The following TRIM37 variants were observed in gnomAD, a reference collection of about 807,000 sequenced individuals.
The protein encoded by TRIM37 is tripartite motif containing 37.
A neutral mutation model predicts 129.8 loss-of-function variants in TRIM37; 80 were observed. The ratio of observed to expected loss-of-function variants is 0.62; its 90% CI spans 0.51 to 0.74. TRIM37 has a LOEUF of 0.74. Among genes scored for constraint, TRIM37 ranks in the 30% least tolerant of loss-of-function variants. TRIM37 has a pLI of 0.00. For synonymous variants in TRIM37, 389 were observed against 387.1 expected, an observed-to-expected ratio of 1.00 and a Z score of -0.06; for missense variants, 1,054 against 1,176.5, an observed-to-expected ratio of 0.90 and a Z score of 1.52.
intron 12 of TRIM37, among the ~76,000 whole-genome samples, chr17:59,057,605 C>A (rs1238595569): frequency 3.3e-5 from 5 of 152,182 alleles, no homozygotes; most frequent in Non-Finnish European, 5.9e-5. Context: ...CTCACTGCAA[C>A]CTCTGCCCCC....
intron 2 of TRIM37, among the ~76,000 whole-genome samples, chr17:59,098,816 G>A (rs775075201): frequency 9.2e-5 from 14 of 151,762 alleles, no homozygotes; most frequent in Non-Finnish European, 8.8e-5. Context: ...ACAGATAATT[G>A]TTAACAACAG....
rs767836351 is a variant in TRIM37 at position 59,088,302 on chromosome 17, A to T, written c.270T>A (p.Asn90Lys). Residue 90 changes from asparagine to lysine, a missense_variant, in exon 4 of 24, where the codon AAT becomes AAA. Physicochemically the swap from Asn to Lys is moderately conservative, Grantham distance 94 (BLOSUM62 0). Around this residue, in one of 3 missense-constraint regions of TRIM37, gnomAD observed 752 missense variants for 870.8 expected, o/e 0.86. Transcript: ENST00000262294. ...AATTGAGGACATACTTGTCCTTTTCATTTTCTTCATGTTTGGTGAGACTGC... is the reference window on the plus strand; with the variant it reads ...AATTGAGGACATACTTGTCCTTTTCTTTTTCTTCATGTTTGGTGAGACTGC... ...QLCSLTKHEE[N>K]EKDKCENHHE... The T allele has an allele frequency of 6.2e-7, 1 of 1,610,110 alleles. No individual in the cohort carries two copies. The highest frequency in any genetic ancestry group is 1.1e-5 in the South Asian group (1 of 90,874).
intron 21 of TRIM37, among the ~76,000 whole-genome samples, chr17:59,014,894 A>C (rs1405914789): frequency 6.6e-6 from 1 of 150,450 alleles, no homozygotes; most frequent in Admixed American, 6.6e-5. Flanking sequence ...GTGAAACCCC[A>C]TCTCTACTAA....
At chr17:59,099,466 A>G (rs1367244319) in intron 2 of TRIM37, among the ~76,000 whole-genome samples, 1 of 151,930 alleles carries the variant, frequency 6.6e-6, no homozygotes, top group Non-Finnish European at 1.5e-5. Context: ...ATATGGTTGT[A>G]TAACATTATG....
chr17:58,983,675 G>A, intron 24 of TRIM37: 1 of 152,620 alleles, frequency 6.6e-6, no homozygotes, highest in East Asian at 1.9e-4. Context: ...TATAGTCTGT[G>A]AATTATGTGT....
At chr17:59,015,849 T>C (rs755021008) in intron 20 of TRIM37, 50 bp from the exon 21 acceptor site, 64 of 1,573,664 alleles carry the variant, frequency 4.1e-5, no homozygotes, top group Middle Eastern at 2.3e-4. Context: ...CATGGTGGTG[T>C]GCGCCTGTAA....
chr17:59,088,363 T>C lies in TRIM37; in HGVS notation c.209A>G (p.Glu70Gly), dbSNP rs1239850504. 1.9e-6 allele frequency: 3 copies of C among 1,613,966 alleles called. No individual in the cohort carries two copies. Among genetic ancestry groups the C allele is most frequent in the Non-Finnish European group, 2.5e-6 (3 of 1,179,894 alleles). ...AGTATCAAGCTGTTGTGTTACTTCT[T>C]CTGCCCAACGACAATTTACTAGTTC... ...LRELVNCRWA[E>G]EVTQQLDTLQ... is the part of the protein sequence containing the mutation. The change falls in exon 4 of 24, where the codon GAA becomes GGA. Residue 70 changes from glutamate to glycine, a missense_variant. Glu to Gly is a moderately conservative substitution (Grantham distance 98). Around this residue, in one of 3 missense-constraint regions of TRIM37, gnomAD observed 752 missense variants for 870.8 expected, o/e 0.86. Transcript: ENST00000262294.
chr17:59,101,056 A>G (rs1219889187), intron 2 of TRIM37, among the ~76,000 whole-genome samples: 1 of 151,970 alleles, frequency 6.6e-6, no homozygotes, highest in Non-Finnish European at 1.5e-5. Context: ...ACAAACAAAA[A>G]AACTGTACAC....
intron 10 of TRIM37, among the ~76,000 whole-genome samples, chr17:59,063,891 T>C (rs2041711067): frequency 6.6e-6 from 1 of 152,184 alleles, no homozygotes; most frequent in Non-Finnish European, 1.5e-5. Flanking sequence ...CCGTGGCTAA[T>C]GCCTATAATT....
chr17:59,106,494 C>G lies in TRIM37; in HGVS notation c.-33G>C. Reference sequence around the variant, plus strand: ...GGCTCTCGGCGGGGCCGCTGGCGACCCGCAGGCTCCGCAGTCTGACCTCTT... The same window carrying G: ...GGCTCTCGGCGGGGCCGCTGGCGACGCGCAGGCTCCGCAGTCTGACCTCTT... On this transcript the variant is annotated 5_prime_UTR_variant, in exon 1 of 24. Transcript: ENST00000262294. The G allele has an allele frequency of 6.2e-7, 1 of 1,612,796 alleles. No individual in the cohort carries two copies. The highest frequency in any genetic ancestry group is 8.5e-7 in the Non-Finnish European group (1 of 1,179,504).
At chr17:59,045,866 A>T (rs2039739353) in intron 16 of TRIM37, among the ~76,000 whole-genome samples, 1 of 151,498 alleles carries the variant, frequency 6.6e-6, no homozygotes, top group Admixed American at 6.6e-5. Flanking sequence ...AATACAAAAA[A>T]ATAGCCAGGC....
intron 20 of TRIM37, among the ~76,000 whole-genome samples, chr17:59,016,444 T>C (rs1260548361): frequency 6.6e-6 from 1 of 150,588 alleles, no homozygotes; most frequent in Non-Finnish European, 1.5e-5. Context: ...AACATATCCC[T>C]TGTTTTTTAT....
At chr17:59,048,954 C>T (rs1383556092) in intron 15 of TRIM37, among the ~76,000 whole-genome samples, 1 of 152,148 alleles carries the variant, frequency 6.6e-6, no homozygotes, top group Admixed American at 6.5e-5. Context: ...ATGTGTATCA[C>T]GGTTTGTTTT....
Position 59,049,308 on chromosome 17 carries a change from GC to G in TRIM37, c.1399del (p.Ala467LeufsTer25). ...AGACTTCTTAGCTCGTGTCTCCAGA[GC>G]ATCATCATTTTGGGGGCTAAGATGG... Reference protein sequence around the residue: ...DNHLSPQNDDALETRAKKSAC... With the variant: ...DNHLSPQNDDXLETRAKKSAC... On this transcript the variant is annotated frameshift_variant, in exon 15 of 24. Transcript: ENST00000262294. LOFTEE classifies it high-confidence loss of function. 1.2e-6 allele frequency: 2 copies of G among 1,614,130 alleles called. No homozygotes were observed. Among genetic ancestry groups the G allele is most frequent in the Non-Finnish European group, 1.7e-6 (2 of 1,180,030 alleles).
chr17:59,075,360 G>A (rs937606191), intron 8 of TRIM37, among the ~76,000 whole-genome samples: 7 of 151,768 alleles, frequency 4.6e-5, no homozygotes, highest in Non-Finnish European at 5.9e-5. Flanking sequence ...TCAGGAGATC[G>A]AGACCATCCC....
At chr17:59,087,735 AG>A (rs200350842) in intron 4 of TRIM37, among the ~76,000 whole-genome samples, 2,831 of 152,272 alleles carry the variant, frequency 0.019, 93 homozygotes, top group African/African-American at 0.065. Flanking sequence ...CTAAACATTC[AG>A]GGGTCCTGGA....
At chr17:59,096,228 G>T (rs577917251) in intron 2 of TRIM37, among the ~76,000 whole-genome samples, 2 of 151,996 alleles carry the variant, frequency 1.3e-5, no homozygotes, top group East Asian at 3.9e-4. Flanking sequence ...TACTGTTAGT[G>T]TAACAGGAGA....
chr17:59,064,851 C>T (rs991503185), intron 9 of TRIM37, among the ~76,000 whole-genome samples: 135 of 152,088 alleles, frequency 8.9e-4, no homozygotes, highest in African/African-American at 2.9e-3. Flanking sequence ...GTGGAGGTTG[C>T]GGTGATTCGA....
In TRIM37 at chr17:59,007,231, C is replaced by CCACCCACACACACACACACACA. The variant is rs60395023; in HGVS notation, c.2695+5096_2695+5097insTGTGTGTGTGTGTGTGTGGGTG. Among the ~76,000 whole-genome samples the CCACCCACACACACACACACACA allele has an allele frequency of 1.1e-4, 11 of 97,500 alleles. 1 individual carries two copies. The highest frequency in any genetic ancestry group is 4.2e-4 in the South Asian group (1 of 2,388). 64.0% of individuals were successfully genotyped at this position (97,500 alleles called of 152,430 possible). On this transcript the variant is annotated intron_variant, in intron 22 of 23. Transcript: ENST00000262294. ...CTAAAACCACCCCACCCCCACCCACCCACACACACACACACGTTCCTGATG... is the reference window on the plus strand; with the variant it reads ...CTAAAACCACCCCACCCCCACCCACCCACCCACACACACACACACACACACACACACACACACGTTCCTGATG...
Sources: allele counts gnomAD v4.1 joint callset (sites outside exome capture counted in the v4.1 genomes callset), GRCh38; gene constraint gnomAD v4.1.1; regional missense constraint gnomAD v4.1.1; transcripts MANE v1.5; gene names NCBI Gene and HGNC (gene_info 2026-07-23, HGNC 2026-07-21).